TIAM1: variants seen among roughly 807,000 people sequenced by gnomAD.
TIAM1 encodes rho guanine nucleotide exchange factor TIAM1.
Under a neutral mutation model 163.5 loss-of-function variants are expected in TIAM1, and 65 were observed. The observed-to-expected ratio is 0.40, with a 90% confidence interval of 0.33 to 0.49. The LOEUF (loss-of-function observed/expected upper bound fraction) is 0.49. Ranked by LOEUF, TIAM1 falls within the 20% of genes least tolerant of loss-of-function variation. The pLI, the probability that TIAM1 is intolerant of heterozygous loss-of-function variation, is 0.77. For missense variants in TIAM1, 1,789 were observed against 2,044.7 expected, an observed-to-expected ratio of 0.87 and a Z score of 2.41; for synonymous variants, 833 against 810.1, an observed-to-expected ratio of 1.03 and a Z score of -0.48.
intron 2 of TIAM1, among the ~76,000 whole-genome samples, chr21:31,434,752 T>C (rs894534743): frequency 6.6e-6 from 1 of 152,140 alleles, no homozygotes; most frequent in Non-Finnish European, 1.5e-5. Flanking sequence ...AGGCTCTAGG[T>C]GAGACACACA....
intron 1 of TIAM1, among the ~76,000 whole-genome samples, chr21:31,538,267 G>A (rs2048204724): frequency 6.6e-6 from 1 of 152,070 alleles, no homozygotes; most frequent in Non-Finnish European, 1.5e-5. Context: ...ATGTGGCCAG[G>A]TGCGGTTACT....
intron 2 of TIAM1, among the ~76,000 whole-genome samples, chr21:31,279,670 G>A (rs1371324094): frequency 6.6e-6 from 1 of 152,180 alleles, no homozygotes; most frequent in African/African-American, 2.4e-5. Context: ...AGCATTAAAT[G>A]AGATCATCTA....
At chr21:31,468,011 G>A (rs909922755) in intron 1 of TIAM1, among the ~76,000 whole-genome samples, 1 of 151,324 alleles carries the variant, frequency 6.6e-6, no homozygotes, top group Non-Finnish European at 1.5e-5. Context: ...GCTTGAACCT[G>A]GGAGGTGGAG....
intron 1 of TIAM1, among the ~76,000 whole-genome samples, chr21:31,526,231 C>G (rs1451127916): frequency 1.3e-5 from 2 of 152,004 alleles, no homozygotes; most frequent in African/African-American, 4.8e-5. Context: ...GTCTTCACAG[C>G]AGGAGACTGA....
At chr21:31,379,094 C>A (rs1456580968) in intron 2 of TIAM1, among the ~76,000 whole-genome samples, 1 of 152,172 alleles carries the variant, frequency 6.6e-6, no homozygotes, top group Non-Finnish European at 1.5e-5. Flanking sequence ...GCCTCAGCCT[C>A]CCAAGTAGCT....
Position 31,189,043 on chromosome 21 carries a change from T to TA in TIAM1, c.2576-1957_2576-1956insT. 6.1e-5 allele frequency among the ~76,000 whole-genome samples: 6 copies of TA among 97,874 alleles called. No homozygotes were observed. The South Asian group carries it at 1.7e-3, about 28-fold the overall frequency. The allele number at this position is 97,874 out of a possible 152,430, so 64.2% of individuals were successfully genotyped here. A position where few individuals can be genotyped will look rare whatever the true frequency, so the allele number is the denominator to read the frequency against. On this transcript the variant is annotated intron_variant, in intron 13 of 27. Transcript: ENST00000541036. ...CTCAGGTATGATTTGCTCCATTCCC[T>TA]CTTTTTTTTTTTTTTTTTTTTTTTT...
intron 2 of TIAM1, among the ~76,000 whole-genome samples, chr21:31,449,871 C>T (rs1369193206): frequency 6.6e-6 from 1 of 152,160 alleles, no homozygotes; most frequent in Non-Finnish European, 1.5e-5. Flanking sequence ...CAAGCCTAGG[C>T]AGAAAATGTT....
At chr21:31,440,583 A>G (rs2044381765) in intron 2 of TIAM1, among the ~76,000 whole-genome samples, 1 of 152,190 alleles carries the variant, frequency 6.6e-6, no homozygotes. Flanking sequence ...TAGATTTCCA[A>G]TGGATTGAAA....
chr21:31,420,133 A>T (rs1211642368), intron 2 of TIAM1, among the ~76,000 whole-genome samples: 1 of 152,240 alleles, frequency 6.6e-6, no homozygotes. Flanking sequence ...CGACTTTAGG[A>T]AAAATATCTG....
chr21:31,331,792 T>C (rs2075685830), intron 2 of TIAM1, among the ~76,000 whole-genome samples: 1 of 152,148 alleles, frequency 6.6e-6, no homozygotes, highest in Non-Finnish European at 1.5e-5. Flanking sequence ...GGTCACAGAA[T>C]GAGGGTCCCA....
chr21:31,426,552 A>C (rs1475859486), intron 2 of TIAM1, among the ~76,000 whole-genome samples: 1 of 152,202 alleles, frequency 6.6e-6, no homozygotes, highest in Non-Finnish European at 1.5e-5. Flanking sequence ...ATAAAATAGG[A>C]CTTAAAACTC....
intron 1 of TIAM1, among the ~76,000 whole-genome samples, chr21:31,551,418 AAAAAAGAAAAG>A (rs1474961931): frequency 4.0e-5 from 6 of 148,260 alleles, no homozygotes; most frequent in Admixed American, 2.7e-4. Context: ...TCAAAAAAGA[AAAAAAGAAAAG>A]AAAAAGAAAG....
Position 31,365,066 on chromosome 21 carries a change from C to T in TIAM1, c.-368-25644G>A, listed in dbSNP as rs184437567. On this transcript the variant is annotated intron_variant, in intron 2 of 28. Transcript: ENST00000286827. The stretch of plus-strand genomic sequence containing the variant: ...CAATTATTCTTCTTTTCCCCCCAGC[C>T]GCTTAAAAATGTAAAAGACATTTTT... Among the ~76,000 whole-genome samples the T allele has an allele frequency of 1.5e-3, 234 of 152,222 alleles. 1 individual carries two copies. Among genetic ancestry groups the T allele is most frequent in the Non-Finnish European group, 1.4e-3 (94 of 68,020 alleles).
At chr21:31,272,287 A>T (rs2073091358) in intron 3 of TIAM1, among the ~76,000 whole-genome samples, 1 of 152,184 alleles carries the variant, frequency 6.6e-6, no homozygotes, top group Admixed American at 6.5e-5. Flanking sequence ...CCGTAAAGTT[A>T]AAAAAACACA....
In TIAM1 at chr21:31,130,893, T is replaced by A. The variant is rs1462774759; in HGVS notation, c.3939A>T (p.Lys1313Asn). 1 of 1,613,758 alleles carries A rather than the reference T, an allele frequency of 6.2e-7. No individual in the cohort carries two copies. Among genetic ancestry groups the A allele is most frequent in the Non-Finnish European group, 8.5e-7 (1 of 1,179,814 alleles). Reference sequence around the variant, plus strand: ...GGGGTAACATAAGATGTCTTACAAGTTTCTTCTTCTGTTTGGAACCATCTT... The same window carrying A: ...GGGGTAACATAAGATGTCTTACAAGATTCTTCTTCTGTTTGGAACCATCTT... The part of the protein sequence containing the change: ...VYKDGSKQKK[K>N]LVGSHRLSIY... The change falls in exon 24 of 28, where the codon AAA (lysine) becomes AAT (asparagine). Residue 1313 changes from lysine to asparagine, a missense_variant. Physicochemically the swap from Lys to Asn is moderately conservative, Grantham distance 94. Coordinates refer to ENST00000541036, the MANE Select transcript of TIAM1 (RefSeq NM_001353694.2).
chr21:31,332,754 A>G (rs919353443), intron 2 of TIAM1, among the ~76,000 whole-genome samples: 2 of 151,624 alleles, frequency 1.3e-5, no homozygotes, highest in Non-Finnish European at 2.9e-5. Context: ...TCACATTCAC[A>G]CTATGTATGT....
intron 2 of TIAM1, among the ~76,000 whole-genome samples, chr21:31,336,120 A>G (rs2075829502): frequency 1.3e-5 from 2 of 152,186 alleles, no homozygotes. Context: ...AAGATGTCCA[A>G]GACAGAATAA....
Position 31,169,957 on chromosome 21 carries a change from G to T in TIAM1, c.2888-4892C>A, listed in dbSNP as rs563546735. ...TTATACAGGTTGAAAGGAGAAAGCA[G>T]AATTTATAAATGCAACCTAGAAGAG... On this transcript the variant is annotated intron_variant, in intron 15 of 27. Transcript: ENST00000541036. Among the ~76,000 whole-genome samples the T allele has an allele frequency of 7.5e-4, 114 of 152,094 alleles. 2 individuals carry two copies. Among genetic ancestry groups the T allele is most frequent in the South Asian group, 1.2e-3 (6 of 4,812 alleles).
chr21:31,334,045 A>T (rs845945), intron 2 of TIAM1, among the ~76,000 whole-genome samples: 1 of 152,044 alleles, frequency 6.6e-6, no homozygotes, highest in Non-Finnish European at 1.5e-5. Context: ...GTAGAGGTGA[A>T]AATCGGAAAC....
Sources: gnomAD v4.1 joint callset for allele counts (sites outside exome capture counted in the v4.1 genomes callset) on GRCh38, gnomAD v4.1.1 for gene constraint, MANE v1.5 for transcripts, NCBI Gene and HGNC (gene_info 2026-07-23, HGNC 2026-07-21) for gene names.